The following VCL variants were observed in gnomAD, a reference collection of about 807,000 sequenced individuals.
VCL encodes vinculin.
Under a neutral mutation model 125.7 loss-of-function variants are expected in VCL, and 47 were observed. The observed-to-expected ratio is 0.37, with a 90% confidence interval of 0.30 to 0.48. The LOEUF (loss-of-function observed/expected upper bound fraction) is 0.48, where lower values mean the gene tolerates loss of function less well. Ranked by LOEUF, VCL falls within the 20% of genes least tolerant of loss-of-function variation. The probability of loss-of-function intolerance (pLI) is 0.99; values close to 1 mark genes in which losing one functional copy is unlikely to be tolerated. For synonymous variants in VCL, 458 were observed against 514.6 expected, an observed-to-expected ratio of 0.89 and a Z score of 1.49; for missense variants, 1,069 against 1,455.5, an observed-to-expected ratio of 0.73 and a Z score of 4.32.
Position 74,089,337 on chromosome 10 carries a change from C to A in VCL, c.1164C>A (p.Ile388=), listed in dbSNP as rs370852950. Residue 388 remains isoleucine (I), a synonymous_variant, in exon 9 of 22, where the codon ATC becomes ATA. Coordinates refer to ENST00000211998, the MANE Select transcript of VCL (RefSeq NM_014000.3). ...CAAAGCAGAGCATTGCAAAGAAGAT[C>A]GATGCTGCTCAGGTAGTCACAGTGA... ...TNSKQSIAKK[I]DAAQNWLADP... The A allele has an allele frequency of 6.2e-7, 1 of 1,613,914 alleles. No homozygotes were observed. Among genetic ancestry groups the A allele is most frequent in the Non-Finnish European group, 8.5e-7 (1 of 1,180,008 alleles).
intron 1 of VCL, among the ~76,000 whole-genome samples, chr10:74,020,091 A>G (rs1840632656): frequency 6.6e-6 from 1 of 151,986 alleles, no homozygotes; most frequent in South Asian, 2.1e-4. Flanking sequence ...AAAATTACTA[A>G]TTTATTTTCA....
rs2131937368 is a variant in VCL, at chr10:74,112,061, T to C, written c.2898T>C (p.Ile966=). Residue 966 remains isoleucine, a synonymous_variant, in exon 19 of 22, where the codon ATT becomes ATC. Transcript: ENST00000211998. ...MPSNQPVNQP[I]LAAAQSLHRE... is the part of the protein sequence containing the mutation. The stretch of plus-strand genomic sequence containing the variant: ...CCAATCAGCCGGTCAACCAGCCCAT[T>C]CTGGCCGCGGCTCAGTCCTTGCATC... 1.2e-6 allele frequency: 2 copies of C among 1,614,168 alleles called. No homozygotes were observed. The highest frequency in any genetic ancestry group is 1.7e-6 in the Non-Finnish European group (2 of 1,180,028).
At chr10:74,043,773 G>C (rs183724090) in intron 2 of VCL, among the ~76,000 whole-genome samples, 169 of 152,224 alleles carry the variant, frequency 1.1e-3, no homozygotes, top group Admixed American at 2.4e-3. Context: ...AGGCACCTTT[G>C]CTTGGAGATA....
At chr10:74,014,140 A>G (rs1591650815) in intron 1 of VCL, among the ~76,000 whole-genome samples, 1 of 152,336 alleles carries the variant, frequency 6.6e-6, no homozygotes, top group East Asian at 1.9e-4. Flanking sequence ...GAAAAAGTAT[A>G]TATATATTTT....
At chr10:74,091,976 T>C (rs776125945) in intron 10 of VCL, among the ~76,000 whole-genome samples, 6 of 152,048 alleles carry the variant, frequency 3.9e-5, no homozygotes, top group Non-Finnish European at 8.8e-5. Flanking sequence ...TGGCGTGATC[T>C]TGGCTCACTG....
intron 14 of VCL, among the ~76,000 whole-genome samples, chr10:74,103,132 T>G (rs1564532169): frequency 6.6e-6 from 1 of 152,166 alleles, no homozygotes; most frequent in Non-Finnish European, 1.5e-5. Flanking sequence ...TCTCCCAAAG[T>G]GCTGGGATTA....
At chr10:74,037,818 A>C (rs1841010716) in intron 1 of VCL, among the ~76,000 whole-genome samples, 2 of 152,190 alleles carry the variant, frequency 1.3e-5, no homozygotes. Context: ...CTGTGTGAAG[A>C]ATGAATTGGA....
chr10:74,021,702 T>G (rs1211644385), intron 1 of VCL, among the ~76,000 whole-genome samples: 2 of 152,216 alleles, frequency 1.3e-5, no homozygotes, highest in Non-Finnish European at 2.9e-5. Context: ...AATTCCTCAG[T>G]TAGTCTGCTG....
intron 2 of VCL, among the ~76,000 whole-genome samples, chr10:74,060,490 G>A (rs146225638): frequency 8.0e-5 from 12 of 150,882 alleles, no homozygotes; most frequent in African/African-American, 2.9e-4. Flanking sequence ...TCATCTCTAC[G>A]CAAAATACAA....
chr10:74,059,541 A>G (rs1286328048), intron 2 of VCL, among the ~76,000 whole-genome samples: 1 of 151,888 alleles, frequency 6.6e-6, no homozygotes, highest in African/African-American at 2.4e-5. Flanking sequence ...AGTAGCTGGG[A>G]TTACAGGCAT....
intron 18 of VCL, 145 bp downstream of exon 18, chr10:74,109,301 C>A: frequency 9.5e-7 from 1 of 1,048,678 alleles, no homozygotes; most frequent in Non-Finnish European, 1.4e-6. Context: ...TATTCCTCTT[C>A]TTACCTGTGC....
chr10:74,045,417 G>C (rs1269394178), intron 2 of VCL, among the ~76,000 whole-genome samples: 1 of 151,990 alleles, frequency 6.6e-6, no homozygotes, highest in Non-Finnish European at 1.5e-5. Context: ...GAGGTCAGGA[G>C]TTCGAGATCA....
chr10:74,099,447 T>C (rs1456598852), intron 13 of VCL, among the ~76,000 whole-genome samples: 1 of 123,942 alleles, frequency 8.1e-6, no homozygotes, highest in Non-Finnish European at 1.5e-5. Flanking sequence ...CTTTTGCTCC[T>C]ACCTATAGTA....
At chr10:74,070,059 A>G (rs1283417453) in intron 2 of VCL, among the ~76,000 whole-genome samples, 1 of 152,148 alleles carries the variant, frequency 6.6e-6, no homozygotes, top group East Asian at 1.9e-4. Flanking sequence ...TTTATCAAAC[A>G]AATTTATTTA....
chr10:74,104,928 T>C (rs1840108776), intron 15 of VCL, 123 bp from the exon 16 acceptor site: 2 of 1,129,588 alleles, frequency 1.8e-6, no homozygotes, highest in Non-Finnish European at 2.6e-6. Flanking sequence ...TAGGAAGAGT[T>C]TGAGCTGAAG....
intron 18 of VCL, among the ~76,000 whole-genome samples, chr10:74,109,964 C>T (rs114825827): frequency 0.014 from 2,089 of 152,208 alleles, 54 homozygotes; most frequent in African/African-American, 0.048. Context: ...TTTACACATC[C>T]TCAAAGCTTT....
chr10:74,107,171 C>A lies in VCL; in HGVS notation c.2435-59C>A, dbSNP rs2131957. 881,261 of 1,612,758 alleles carry A rather than the reference C, an allele frequency of 0.55. 246,625 individuals are homozygous for A. Among genetic ancestry groups the A allele is most frequent in the Middle Eastern group, 0.64 (3,719 of 5,848 alleles). On this transcript the variant is annotated intron_variant, in intron 16 of 21. Transcript: ENST00000211998. ...TCATGGAACCAGTTCTGCTGCTGCACAGACAGTGCTTTGGGGCACTGACCC... is the reference window on the plus strand; with the variant it reads ...TCATGGAACCAGTTCTGCTGCTGCAAAGACAGTGCTTTGGGGCACTGACCC...
intron 2 of VCL, among the ~76,000 whole-genome samples, chr10:74,043,936 T>G (rs1285633103): frequency 6.6e-6 from 1 of 151,442 alleles, no homozygotes; most frequent in East Asian, 2.0e-4. Context: ...GGTGAAACCC[T>G]GTCTCTACTA....
intron 10 of VCL, among the ~76,000 whole-genome samples, chr10:74,093,034 C>T (rs996929094): frequency 2.0e-5 from 3 of 152,152 alleles, no homozygotes; most frequent in African/African-American, 4.8e-5. Context: ...CGGTGGCTCA[C>T]GCCTGTAATC....
Sources: allele counts gnomAD v4.1 joint callset (sites outside exome capture counted in the v4.1 genomes callset), GRCh38; gene constraint gnomAD v4.1.1; transcripts MANE v1.5; gene names NCBI Gene and HGNC (gene_info 2026-07-23, HGNC 2026-07-21).